Variants in TBXAS1 observed in about 807,000 individuals in gnomAD.
TBXAS1 encodes the protein thromboxane A synthase 1.
Under a neutral mutation model 60.7 loss-of-function variants are expected in TBXAS1, and 48 were observed. The observed-to-expected ratio is 0.79, with a 90% CI of 0.63 to 1.01. The LOEUF is 1.01. Among genes scored for constraint, TBXAS1 ranks in the 50% least tolerant of loss-of-function variants. The probability of loss-of-function intolerance (pLI) is 0.00; values close to 1 mark genes in which losing one functional copy is unlikely to be tolerated. For missense variants in TBXAS1, 685 were observed against 686.3 expected (o/e 1.00, Z 0.02); for synonymous variants, 287 against 269.7 (o/e 1.06, Z -0.63).
At chr7:139,922,550 T>TC (rs1224739419) in intron 4 of TBXAS1, among the ~76,000 whole-genome samples, 1 of 152,222 alleles carries the variant, frequency 6.6e-6, no homozygotes, top group East Asian at 1.9e-4. Context: ...CTGCCTTGAG[T>TC]CTTTTGTCAG....
chr7:139,971,075 G>A (rs2117442875), intron 9 of TBXAS1, among the ~76,000 whole-genome samples: 1 of 152,260 alleles, frequency 6.6e-6, no homozygotes, highest in South Asian at 2.1e-4. Context: ...ATTTCCACTA[G>A]AGGAATAGGA....
intron 9 of TBXAS1, among the ~76,000 whole-genome samples, chr7:139,987,179 G>A (rs982551282): frequency 6.6e-6 from 1 of 152,036 alleles, no homozygotes; most frequent in Non-Finnish European, 1.5e-5. Flanking sequence ...CAGTGTCATC[G>A]GCCTGGGCAT....
chr7:139,926,073 G>A (rs1806854532), intron 4 of TBXAS1, among the ~76,000 whole-genome samples: 1 of 151,962 alleles, frequency 6.6e-6, no homozygotes, highest in African/African-American at 2.4e-5. Context: ...TGTTCTTCAG[G>A]GATATTGGCC....
chr7:139,873,216 G>T lies in TBXAS1; in HGVS notation c.183+888G>T, dbSNP rs145208486. 6.7e-3 allele frequency among the ~76,000 whole-genome samples: 1,019 copies of T among 152,332 alleles called. 16 individuals are homozygous for T. Among genetic ancestry groups the T allele is most frequent in the Non-Finnish European group, 7.0e-3 (475 of 68,028 alleles). ...GAATGACAGCACAGGTTGACCAGCA[G>T]CCTGGACTGACTAGAGGCCAAATGC... On this transcript the variant is annotated intron_variant, in intron 2 of 12. Transcript: ENST00000448866.
intron 1 of TBXAS1, among the ~76,000 whole-genome samples, chr7:139,847,229 C>A (rs974187343): frequency 2.6e-5 from 4 of 152,100 alleles, no homozygotes; most frequent in Admixed American, 2.0e-4. Context: ...CATTTATTTT[C>A]TGATTTTAAC....
intron 1 of TBXAS1, among the ~76,000 whole-genome samples, chr7:139,865,719 G>A (rs1324278965): frequency 4.1e-5 from 5 of 121,940 alleles, no homozygotes; most frequent in African/African-American, 1.5e-4. Context: ...AGGAAGAGGA[G>A]GAGGAGGAGG....
chr7:139,814,036 C>T (rs1052611921), intron 4 of TBXAS1, among the ~76,000 whole-genome samples: 3 of 152,190 alleles, frequency 2.0e-5, no homozygotes, highest in South Asian at 2.1e-4. Flanking sequence ...TCCCCCAGCA[C>T]GGCCTTTGCT....
intron 9 of TBXAS1, chr7:139,962,540 G>A (rs1189666756): frequency 5.3e-6 from 2 of 375,268 alleles, no homozygotes; most frequent in Non-Finnish European, 1.0e-5. Flanking sequence ...AAAGGGCAGG[G>A]ATGGGGAAGG....
At position 140,004,872 on chromosome 7, in the gene TBXAS1, G is replaced by A. The variant is rs1209444812; in HGVS notation, c.1135-2219G>A. 3.3e-5 allele frequency among the ~76,000 whole-genome samples: 5 copies of A among 152,242 alleles called. No individual in the cohort carries two copies. Among genetic ancestry groups the A allele is most frequent in the East Asian group, 1.9e-4 (1 of 5,178 alleles). Reference sequence around the variant, plus strand: ...CGAGAAACAGCCTCCGGCCGGCCCCGCCACATACACTGTGTGCTGCCAGCC... The same window carrying A: ...CGAGAAACAGCCTCCGGCCGGCCCCACCACATACACTGTGTGCTGCCAGCC... On this transcript the variant is annotated intron_variant, in intron 9 of 12. Transcript: ENST00000448866. The surrounding 1 kb of genome is among the most constrained non-coding windows in gnomAD (Gnocchi z 5.1).
In TBXAS1 at chr7:139,904,979, TTCTCTTTCTCTCTTTC is replaced by T. The variant is rs1185133331; in HGVS notation, c.237-6228_237-6213del. Among the ~76,000 whole-genome samples the T allele has an allele frequency of 1.5e-3, 203 of 138,180 alleles. 6 individuals carry two copies. The highest frequency in any genetic ancestry group is 4.3e-3 in the South Asian group (18 of 4,230). The allele number at this position is 138,180 out of a possible 152,430, so 90.7% of individuals were successfully genotyped here. On this transcript the variant is annotated intron_variant, in intron 3 of 12. Transcript: ENST00000448866. ...TCATTCCCTCCCTCCCTACCTTTCT[TTCTCTTTCTCTCTTTC>T]TCTCTTTCTCTCTTTCTTTCTTTCT...
At chr7:140,012,727 G>T (rs1346534409) in intron 10 of TBXAS1, among the ~76,000 whole-genome samples, 2 of 152,138 alleles carry the variant, frequency 1.3e-5, no homozygotes, top group Admixed American at 6.6e-5. Flanking sequence ...CCAAAGTGCT[G>T]GGATTACAGG....
chr7:139,877,348 C>T (rs1416548790), intron 3 of TBXAS1, among the ~76,000 whole-genome samples: 2 of 152,188 alleles, frequency 1.3e-5, no homozygotes, highest in Non-Finnish European at 2.9e-5. Context: ...GATAAAGGCT[C>T]AAGAAATTGA....
chr7:139,874,897 C>T (rs969382655), intron 2 of TBXAS1, among the ~76,000 whole-genome samples: 2 of 152,192 alleles, frequency 1.3e-5, no homozygotes, highest in African/African-American at 4.8e-5. Context: ...GAGTTCCAGA[C>T]CAGCCTGGCC....
intron 9 of TBXAS1, among the ~76,000 whole-genome samples, chr7:139,984,684 A>AGGGG (rs1585005684): frequency 3.3e-5 from 5 of 150,322 alleles, no homozygotes; most frequent in Admixed American, 2.0e-4. Flanking sequence ...GAAAAGAAGA[A>AGGGG]GAAAGAAAGA....
chr7:139,898,413 CTTTTTTTTTTTTTT>C (rs71170921), intron 3 of TBXAS1, among the ~76,000 whole-genome samples: 7 of 82,220 alleles, frequency 8.5e-5, no homozygotes, highest in East Asian at 4.3e-4. Context: ...ACGTGCATGG[CTTTTTTTTTTTTTT>C]TTTTTTTTTT....
upstream of TBXAS1, among the ~76,000 whole-genome samples, chr7:139,826,571 T>C (rs1314297435): frequency 6.6e-6 from 1 of 152,228 alleles, no homozygotes; most frequent in African/African-American, 2.4e-5. Context: ...CAAATTTATG[T>C]TGATGGCTTC....
intron 9 of TBXAS1, among the ~76,000 whole-genome samples, chr7:139,964,738 G>A (rs891097444): frequency 6.6e-6 from 1 of 152,244 alleles, no homozygotes; most frequent in African/African-American, 2.4e-5. Context: ...GAGAAGCAAT[G>A]TTATGTCTAT....
chr7:140,018,019 C>A (rs951172048), intron 12 of TBXAS1, among the ~76,000 whole-genome samples, 186 bp downstream of exon 12: 1 of 152,184 alleles, frequency 6.6e-6, no homozygotes, highest in Non-Finnish European at 1.5e-5. Flanking sequence ...ATAATAACAC[C>A]CTCTACCTCT....
chr7:139,948,164 C>A (rs920986672), intron 5 of TBXAS1, among the ~76,000 whole-genome samples: 1 of 152,116 alleles, frequency 6.6e-6, no homozygotes, highest in Non-Finnish European at 1.5e-5. Context: ...TGTGCCAGGC[C>A]CAGACATGTA....
Sources: allele counts gnomAD v4.1 joint callset (sites outside exome capture counted in the v4.1 genomes callset), GRCh38; gene constraint gnomAD v4.1.1; non-coding constraint Gnocchi (gnomAD v3.1); transcripts MANE v1.5; gene names NCBI Gene and HGNC (gene_info 2026-07-23, HGNC 2026-07-21).